Variants in LETM1 observed in about 807,000 individuals in gnomAD.
The protein encoded by LETM1 is leucine zipper and EF-hand containing transmembrane protein 1.
Under a neutral mutation model 74.5 loss-of-function variants are expected in LETM1, and 50 were observed. That is an observed-to-expected ratio of 0.67 (90% CI 0.53 to 0.85). The LOEUF (loss-of-function observed/expected upper bound fraction) is 0.85. Among genes scored for constraint, LETM1 ranks in the 40% least tolerant of loss-of-function variants. The pLI, the probability that LETM1 is intolerant of heterozygous loss-of-function variation, is 0.00. For synonymous variants in LETM1, 446 were observed against 407.1 expected, an observed-to-expected ratio of 1.10 and a Z score of -1.15; for missense variants, 824 against 967.8, an observed-to-expected ratio of 0.85 and a Z score of 1.97.
intron 2 of LETM1, among the ~76,000 whole-genome samples, chr4:1,842,394 C>G (rs970260075): frequency 1.3e-5 from 2 of 152,218 alleles, no homozygotes. Context: ...CCTGCCCACT[C>G]TGTCCGGCAC....
chr4:1,826,323 G>A (rs1043182326), intron 6 of LETM1, among the ~76,000 whole-genome samples: 2 of 152,240 alleles, frequency 1.3e-5, no homozygotes, highest in Non-Finnish European at 2.9e-5. Context: ...ACCCTGTGGG[G>A]TAGACAGTAC....
chr4:1,819,658 ACTGT>A (rs1318518903), intron 10 of LETM1, among the ~76,000 whole-genome samples, 186 bp from the exon 11 acceptor site: 1 of 152,190 alleles, frequency 6.6e-6, no homozygotes, highest in African/African-American at 2.4e-5. Flanking sequence ...GCACGCAGTC[ACTGT>A]CTGCCCTCAT....
chr4:1,817,235 ACT>A (rs1176555837), intron 11 of LETM1, among the ~76,000 whole-genome samples: 1 of 113,958 alleles, frequency 8.8e-6, no homozygotes, highest in Non-Finnish European at 1.7e-5. Flanking sequence ...ACAGAGCGAG[ACT>A]CTGTCTCCAA....
chr4:1,822,212 T>G lies in LETM1; in HGVS notation c.1577A>C (p.Lys526Thr). 1 of 1,512,906 alleles carries G rather than the reference T, an allele frequency of 6.6e-7. No homozygotes were observed. Among genetic ancestry groups the G allele is most frequent in the Non-Finnish European group, 8.9e-7 (1 of 1,119,942 alleles). The allele number at this position is 1,512,906 out of a possible 1,614,324, so 93.7% of individuals were successfully genotyped here. A position where few individuals can be genotyped will look rare whatever the true frequency, so the allele number is the denominator to read the frequency against. Residue 526 changes from lysine (K) to threonine (T), a missense_variant, in exon 10 of 14, where the codon AAG (lysine) becomes ACG (threonine). By Grantham distance (78) the Lys-to-Thr change is moderately conservative (BLOSUM62 -1). Around this residue, in one of 4 missense-constraint regions of LETM1, gnomAD observed 172 missense variants for 170.7 expected, o/e 1.01. Coordinates refer to ENST00000302787, the MANE Select transcript of LETM1 (RefSeq NM_012318.3). ...GCCCTCCAGCACCGGGGCAGTGTCC[T>G]TCAAGGTCTCTGACTGCAGGACTGT... is the stretch of plus-strand genomic sequence containing the variant. The part of the protein sequence containing the change: ...PDTVLQSETL[K>T]DTAPVLEGLK...
rs115065457 is a variant in LETM1 at position 1,852,762 on chromosome 4, T to G, written c.82+3107A>C. ...TCTACAAAAATGTTAAAACATCAGCTGGCAGGAGGATCGCTTGGAGGCTGT... is the reference window on the plus strand; with the variant it reads ...TCTACAAAAATGTTAAAACATCAGCGGGCAGGAGGATCGCTTGGAGGCTGT... On this transcript the variant is annotated intron_variant, in intron 1 of 13. Coordinates refer to ENST00000302787, the MANE Select transcript of LETM1 (RefSeq NM_012318.3). 4.2e-3 allele frequency among the ~76,000 whole-genome samples: 638 copies of G among 152,236 alleles called. 8 individuals are homozygous for G. Among genetic ancestry groups the G allele is most frequent in the Non-Finnish European group, 4.7e-3 (319 of 68,004 alleles).
intron 7 of LETM1, among the ~76,000 whole-genome samples, chr4:1,825,200 T>C (rs1711940410): frequency 1.3e-5 from 2 of 152,330 alleles, no homozygotes; most frequent in Non-Finnish European, 1.5e-5. Context: ...AAACCTTCCA[T>C]GGCCCCAGTT....
At chr4:1,849,303 C>T (rs1347656519) in intron 1 of LETM1, 94 bp from the exon 2 acceptor site, 27 of 878,756 alleles carry the variant, frequency 3.1e-5, no homozygotes, top group East Asian at 7.9e-5. Flanking sequence ...TTCGCTCTTG[C>T]GCCCAGGCTA....
At chr4:1,825,142 T>A (rs1204086725) in intron 7 of LETM1, among the ~76,000 whole-genome samples, 2 of 152,190 alleles carry the variant, frequency 1.3e-5, no homozygotes, top group African/African-American at 4.8e-5. Context: ...GCACAGGGCG[T>A]GGCCAAGAGA....
intron 10 of LETM1, among the ~76,000 whole-genome samples, 175 bp from the exon 11 acceptor site, chr4:1,819,647 T>C (rs1228246760): frequency 6.6e-6 from 1 of 152,238 alleles, no homozygotes; most frequent in Non-Finnish European, 1.5e-5. Context: ...CGCTGGCTGC[T>C]GCACGCAGTC....
intron 2 of LETM1, chr4:1,842,866 C>CTG (rs1712751472): frequency 2.0e-5 from 4 of 195,778 alleles, no homozygotes; most frequent in Admixed American, 1.8e-4. Flanking sequence ...TGGTGCCACA[C>CTG]CACCATTTAC....
chr4:1,819,072 A>G (rs1233025773), intron 11 of LETM1, among the ~76,000 whole-genome samples: 1 of 151,534 alleles, frequency 6.6e-6, no homozygotes, highest in Non-Finnish European at 1.5e-5. Context: ...CAACAGAGCA[A>G]GACCTTCTTA....
intron 11 of LETM1, among the ~76,000 whole-genome samples, chr4:1,818,770 CA>C (rs1402217929): frequency 3.3e-5 from 5 of 151,986 alleles, no homozygotes; most frequent in Non-Finnish European, 1.5e-5. Context: ...CTTCATGAGA[CA>C]CCTTCCCATG....
At chr4:1,820,270 T>A (rs1009533465) in intron 10 of LETM1, among the ~76,000 whole-genome samples, 2 of 152,160 alleles carry the variant, frequency 1.3e-5, no homozygotes, top group Non-Finnish European at 2.9e-5. Flanking sequence ...AGCAACATTT[T>A]ACAGTACTCC....
At chr4:1,823,276 T>G in intron 8 of LETM1, 145 bp from the exon 9 acceptor site, 1 of 1,135,624 alleles carries the variant, frequency 8.8e-7, no homozygotes, top group Non-Finnish European at 1.2e-6. Flanking sequence ...GCCGAGGTGC[T>G]GCCCGCAATT....
At chr4:1,824,932 C>G (rs1269385240) in intron 7 of LETM1, among the ~76,000 whole-genome samples, 1 of 152,246 alleles carries the variant, frequency 6.6e-6, no homozygotes, top group Non-Finnish European at 1.5e-5. Context: ...GTACACACAC[C>G]TTCATCTACA....
At chr4:1,837,067 A>G (rs1466496678) in intron 3 of LETM1, among the ~76,000 whole-genome samples, 1 of 152,218 alleles carries the variant, frequency 6.6e-6, no homozygotes, top group Non-Finnish European at 1.5e-5. Context: ...TAAACAAACT[A>G]GTACTTGATG....
rs186299675 is a variant in LETM1, at chr4:1,848,979, G to A, written c.143+170C>T. On this transcript the variant is annotated intron_variant, in intron 2 of 13. Transcript: ENST00000302787. ...TCTATACTGTCTATAGATTCACTGAGGCATGTGACAATCATTTTCAAAATG... is the reference window on the plus strand; with the variant it reads ...TCTATACTGTCTATAGATTCACTGAAGCATGTGACAATCATTTTCAAAATG... Among the ~76,000 whole-genome samples, 4 of 152,220 alleles carry A rather than the reference G, an allele frequency of 2.6e-5. No individual in the cohort carries two copies. The East Asian group carries it at 7.7e-4, about 29-fold the overall frequency.
intron 6 of LETM1, among the ~76,000 whole-genome samples, chr4:1,828,174 G>A (rs1248033902): frequency 8.0e-6 from 1 of 124,304 alleles, no homozygotes; most frequent in Non-Finnish European, 1.8e-5. Context: ...GGGGCGGCCG[G>A]GCAGAGGCGC....
chr4:1,829,417 C>T (rs887342176), intron 6 of LETM1, among the ~76,000 whole-genome samples: 12 of 152,182 alleles, frequency 7.9e-5, no homozygotes, highest in Admixed American at 2.6e-4. Flanking sequence ...ACCTCCCTCC[C>T]GGACAGTTCT....
Sources: allele counts gnomAD v4.1 joint callset (sites outside exome capture counted in the v4.1 genomes callset), GRCh38; gene constraint gnomAD v4.1.1; regional missense constraint gnomAD v4.1.1; transcripts MANE v1.5; gene names NCBI Gene and HGNC (gene_info 2026-07-23, HGNC 2026-07-21).